The following NCOR1 variants were observed in gnomAD, a reference collection of about 807,000 sequenced individuals.
NCOR1 encodes the protein protein phosphatase 1, regulatory subunit 109.
A neutral mutation model predicts 288.1 loss-of-function variants in NCOR1; 63 were observed. The ratio of observed to expected loss-of-function variants is 0.22; its 90% confidence interval spans 0.18 to 0.27. The LOEUF (loss-of-function observed/expected upper bound fraction) is 0.27. Among genes scored for constraint, NCOR1 ranks in the 10% least tolerant of loss-of-function variants. NCOR1 has a pLI of 1.00. For missense variants in NCOR1, 2,397 were observed against 3,019.2 expected, an observed-to-expected ratio of 0.79 and a Z score of 4.83; for synonymous variants, 1,007 against 1,065.9, an observed-to-expected ratio of 0.94 and a Z score of 1.08.
rs1217518071 is a variant in NCOR1 at position 16,034,964 on chromosome 17, T to TAA, written c.6956-22_6956-21dup. On this transcript the variant is annotated intron_variant, in intron 44 of 45. Transcript: ENST00000268712. ...CTCCTCCTGAAAGTGAAATTCAAGT[T>TAA]AAAGTATTAATATATTAAGTTCTCA... The TAA allele has an allele frequency of 1.2e-6, 2 of 1,611,880 alleles. No individual in the cohort carries two copies. Among genetic ancestry groups the TAA allele is most frequent in the East Asian group, 4.5e-5 (2 of 44,868 alleles).
chr17:16,127,155 GTA>G (rs1432279631), intron 14 of NCOR1, among the ~76,000 whole-genome samples: 1 of 133,834 alleles, frequency 7.5e-6, no homozygotes, highest in Non-Finnish European at 1.5e-5. Context: ...GTATATATCT[GTA>G]TGTATATATA....
At chr17:16,167,374 A>C (rs576238099) in intron 4 of NCOR1, among the ~76,000 whole-genome samples, 2 of 151,996 alleles carry the variant, frequency 1.3e-5, no homozygotes, top group Admixed American at 1.3e-4. Context: ...TTCTTACCTC[A>C]TATCTTACAT....
At chr17:16,048,202 A>T (rs1019495296) in intron 41 of NCOR1, among the ~76,000 whole-genome samples, 5 of 152,238 alleles carry the variant, frequency 3.3e-5, no homozygotes, top group African/African-American at 1.2e-4. Flanking sequence ...ACGACTATGG[A>T]CAGAAAGGAA....
chr17:16,036,603 C>A (rs1007575543), intron 44 of NCOR1, among the ~76,000 whole-genome samples: 4 of 152,230 alleles, frequency 2.6e-5, no homozygotes, highest in Non-Finnish European at 4.4e-5. Context: ...GCAACATCTT[C>A]ATCAGCACTT....
chr17:16,064,288 T>C, intron 34 of NCOR1, 101 bp from the exon 35 acceptor site: 1 of 1,453,492 alleles, frequency 6.9e-7, no homozygotes, highest in South Asian at 1.3e-5. Context: ...TTCAAAAAGC[T>C]TCAAATTTGG....
intron 3 of NCOR1, among the ~76,000 whole-genome samples, chr17:16,174,697 C>A (rs910264444): frequency 6.6e-6 from 1 of 152,022 alleles, no homozygotes; most frequent in African/African-American, 2.4e-5. Context: ...AAATAAACTA[C>A]GAAAATCTTT....
chr17:16,213,045 A>G (rs1245255957), intron 1 of NCOR1, among the ~76,000 whole-genome samples: 1 of 140,516 alleles, frequency 7.1e-6, no homozygotes, highest in South Asian at 2.3e-4. Flanking sequence ...TGGGCAAAAG[A>G]GACCCTGTCT....
chr17:16,135,462 T>C (rs1292110681), intron 14 of NCOR1, among the ~76,000 whole-genome samples: 1 of 152,174 alleles, frequency 6.6e-6, no homozygotes, highest in African/African-American at 2.4e-5. Context: ...CCTTCTCTGA[T>C]CCTCATTAGC....
At chr17:16,171,011 T>C (rs2083049002) in intron 4 of NCOR1, among the ~76,000 whole-genome samples, 1 of 152,070 alleles carries the variant, frequency 6.6e-6, no homozygotes, top group Non-Finnish European at 1.5e-5. Flanking sequence ...AAAACTTATC[T>C]TTGTACAGCA....
In NCOR1 at chr17:16,172,006, C is replaced by A; in HGVS notation, c.243-11G>T. The A allele has an allele frequency of 6.6e-7, 1 of 1,518,900 alleles. No homozygotes were observed. The highest frequency in any genetic ancestry group is 8.8e-7 in the Non-Finnish European group (1 of 1,132,080). The allele number at this position is 1,518,900 out of a possible 1,614,324, so 94.1% of individuals were successfully genotyped here. A position where few individuals can be genotyped will look rare whatever the true frequency, so the allele number is the denominator to read the frequency against. On this transcript the variant is annotated splice_polypyrimidine_tract_variant and intron_variant, in intron 3 of 45. Transcript: ENST00000268712. The stretch of plus-strand genomic sequence containing the variant: ...CTCCTTTCTTGAGGCCTAATACATA[C>A]AAAGAAAATAAACACTTGAAAATTT...
At chr17:16,111,376 C>A (rs1234270142) in intron 18 of NCOR1, among the ~76,000 whole-genome samples, 7 of 152,088 alleles carry the variant, frequency 4.6e-5, no homozygotes, top group Non-Finnish European at 1.5e-5. Context: ...CCAAGGCGGG[C>A]AGATAACTTG....
At chr17:16,090,884 T>C (rs2065059603) in intron 22 of NCOR1, among the ~76,000 whole-genome samples, 1 of 152,202 alleles carries the variant, frequency 6.6e-6, no homozygotes, top group South Asian at 2.1e-4. Flanking sequence ...AGCTAATAGC[T>C]CTTATTTAGC....
intron 27 of NCOR1, among the ~76,000 whole-genome samples, chr17:16,074,960 C>T (rs1231189490): frequency 6.6e-6 from 1 of 152,104 alleles, no homozygotes; most frequent in African/African-American, 2.4e-5. Flanking sequence ...TTCTGCCTCC[C>T]GGGTTCACGC....
intron 1 of NCOR1, among the ~76,000 whole-genome samples, chr17:16,199,217 ACACAC>A (rs1345242002): frequency 2.4e-5 from 1 of 41,048 alleles, no homozygotes; most frequent in African/African-American, 5.5e-5. Context: ...AAAAAAAAAA[ACACAC>A]ACACACACAC....
intron 42 of NCOR1, 128 bp from the exon 43 acceptor site, chr17:16,040,622 C>T (rs1446627207): frequency 1.2e-6 from 1 of 845,326 alleles, no homozygotes; most frequent in Non-Finnish European, 1.9e-6. Context: ...TATTTCTCAC[C>T]CATTAAGTGA....
intron 1 of NCOR1, among the ~76,000 whole-genome samples, chr17:16,199,655 G>A (rs1185334713): frequency 6.6e-6 from 1 of 152,154 alleles, no homozygotes; most frequent in Non-Finnish European, 1.5e-5. Context: ...AAGGGGAAGG[G>A]AGCACCTTAA....
At chr17:16,071,753 G>A in intron 29 of NCOR1, 88 bp from the exon 30 acceptor site, 23 of 1,203,468 alleles carry the variant, frequency 1.9e-5, no homozygotes, top group South Asian at 1.2e-4. Context: ...TGGTTAAAAT[G>A]GTAAATTTTG....
intron 9 of NCOR1, 134 bp downstream of exon 9, chr17:16,149,315 ATG>A (rs1555725709): frequency 4.2e-6 from 1 of 235,752 alleles, no homozygotes; most frequent in African/African-American, 2.4e-5. Flanking sequence ...ATATATATAT[ATG>A]GTTACTTTCT....
At chr17:16,054,411 T>C (rs2059683660) in intron 40 of NCOR1, among the ~76,000 whole-genome samples, 1 of 152,168 alleles carries the variant, frequency 6.6e-6, no homozygotes, top group African/African-American at 2.4e-5. Flanking sequence ...GGCATGTGCC[T>C]GTAATCCCAG....
Sources: allele counts gnomAD v4.1 joint callset (sites outside exome capture counted in the v4.1 genomes callset), GRCh38; gene constraint gnomAD v4.1.1; transcripts MANE v1.5; gene names NCBI Gene and HGNC (gene_info 2026-07-23, HGNC 2026-07-21).